Variants in JPH3 observed in about 807,000 individuals in gnomAD.
JPH3 encodes the protein junctophilin 3.
JPH3 carries 11 observed loss-of-function variants against 59.6 expected under a neutral mutation model. The ratio of observed to expected loss-of-function variants is 0.18; its 90% CI spans 0.12 to 0.31. The LOEUF (loss-of-function observed/expected upper bound fraction) is 0.31. Ranked by LOEUF, JPH3 falls within the 10% of genes least tolerant of loss-of-function variation. The pLI, the probability that JPH3 is intolerant of heterozygous loss-of-function variation, is 1.00. For synonymous variants in JPH3, 673 were observed against 483.6 expected, an observed-to-expected ratio of 1.39 and a Z score of -5.14; for missense variants, 1,202 against 1,105.7, an observed-to-expected ratio of 1.09 and a Z score of -1.24.
At chr16:87,640,701 C>G (rs1016109767) in intron 1 of JPH3, among the ~76,000 whole-genome samples, 1 of 152,160 alleles carries the variant, frequency 6.6e-6, no homozygotes, top group African/African-American at 2.4e-5. Flanking sequence ...CCAACAAACG[C>G]TTTTTAAATA....
chr16:87,658,378 T>G (rs2032579524), intron 2 of JPH3, among the ~76,000 whole-genome samples: 1 of 147,820 alleles, frequency 6.8e-6, no homozygotes, highest in Non-Finnish European at 1.5e-5. Flanking sequence ...CCCCCTCTCT[T>G]TTTCCCTTTC....
At chr16:87,605,291 G>A (rs898327764) in intron 1 of JPH3, among the ~76,000 whole-genome samples, 1 of 152,176 alleles carries the variant, frequency 6.6e-6, no homozygotes, top group African/African-American at 2.4e-5. Flanking sequence ...CTCTGCCCAC[G>A]CTCCTCAGAC....
At chr16:87,603,634 G>T (rs1292111659) in intron 1 of JPH3, 106 bp downstream of exon 1, 11 of 1,355,738 alleles carry the variant, frequency 8.1e-6, no homozygotes, top group Non-Finnish European at 1.1e-5. Context: ...CGGTTGGGCC[G>T]TGGGCACCAG....
At chr16:87,629,274 A>G (rs1293234811) in intron 1 of JPH3, among the ~76,000 whole-genome samples, 1 of 151,862 alleles carries the variant, frequency 6.6e-6, no homozygotes, top group African/African-American at 2.4e-5. Flanking sequence ...GCGGTGGCTC[A>G]TGAAGGTTTT....
At chr16:87,632,726 C>G (rs762143598) in intron 1 of JPH3, among the ~76,000 whole-genome samples, 1 of 152,150 alleles carries the variant, frequency 6.6e-6, no homozygotes, top group Non-Finnish European at 1.5e-5. Flanking sequence ...AACTTTGTCT[C>G]TATTAAAAAC....
intron 2 of JPH3, among the ~76,000 whole-genome samples, chr16:87,669,525 A>G (rs1003870635): frequency 8.5e-5 from 13 of 152,140 alleles, no homozygotes; most frequent in African/African-American, 3.1e-4. Context: ...GCTTCTGTGA[A>G]TTGGGGTGAC....
chr16:87,613,347 C>T (rs958543050), intron 1 of JPH3, among the ~76,000 whole-genome samples: 4 of 151,900 alleles, frequency 2.6e-5, no homozygotes, highest in African/African-American at 9.7e-5. Flanking sequence ...GAACCGCCCG[C>T]CTCGGCCTCC....
intron 1 of JPH3, among the ~76,000 whole-genome samples, chr16:87,628,049 G>T (rs945977522): frequency 3.9e-5 from 6 of 152,238 alleles, no homozygotes; most frequent in African/African-American, 1.4e-4. Flanking sequence ...ACCCTTATGT[G>T]CTGTGTCCTG....
At chr16:87,629,003 G>C (rs2031474933) in intron 1 of JPH3, among the ~76,000 whole-genome samples, 1 of 152,142 alleles carries the variant, frequency 6.6e-6, no homozygotes, top group African/African-American at 2.4e-5. Context: ...TCAGGGATGG[G>C]GGTGAACAGA....
chr16:87,615,277 A>G (rs1353444728), intron 1 of JPH3, among the ~76,000 whole-genome samples: 1 of 152,182 alleles, frequency 6.6e-6, no homozygotes, highest in East Asian at 1.9e-4. Context: ...GCAGATTCCT[A>G]TAGACCTGGT....
chr16:87,679,599 C>T (rs979626533), intron 2 of JPH3, among the ~76,000 whole-genome samples: 1 of 152,218 alleles, frequency 6.6e-6, no homozygotes, highest in African/African-American at 2.4e-5. Context: ...TGCCTTGTCC[C>T]CCGGACGCAT....
At chr16:87,646,785 A>G (rs973387468) in intron 2 of JPH3, among the ~76,000 whole-genome samples, 1 of 152,160 alleles carries the variant, frequency 6.6e-6, no homozygotes, top group Non-Finnish European at 1.5e-5. Context: ...AGATTGGTTC[A>G]TGAGTTCATT....
At position 87,659,374 on chromosome 16, in the gene JPH3, C is replaced by CAAAAAAAAAAAAAAAAAAAA. The variant is rs1354448370; in HGVS notation, c.1160+14351_1160+14352insAAAAAAAAAAAAAAAAAAAA. On this transcript the variant is annotated intron_variant, in intron 2 of 4. Transcript: ENST00000284262. ...CCTGGGTGACAGAGTAAGACTGTCT[C>CAAAAAAAAAAAAAAAAAAAA]AAAAAAAAAAAAGAAAAAAAAAAAG... Among the ~76,000 whole-genome samples the CAAAAAAAAAAAAAAAAAAAA allele has an allele frequency of 1.6e-3, 122 of 74,462 alleles. 5 individuals carry two copies. Among genetic ancestry groups the CAAAAAAAAAAAAAAAAAAAA allele is most frequent in the East Asian group, 2.2e-3 (6 of 2,766 alleles). 48.8% of individuals were successfully genotyped at this position (74,462 alleles called of 152,430 possible). A position where few individuals can be genotyped will look rare whatever the true frequency, so the allele number is the denominator to read the frequency against.
At chr16:87,654,681 A>C (rs2032434872) in intron 2 of JPH3, 1 of 152,208 alleles carries the variant, frequency 6.6e-6, no homozygotes, top group South Asian at 2.1e-4. Context: ...GACCATCAGC[A>C]CCTCAGCCTC....
chr16:87,621,504 G>A (rs934123), intron 1 of JPH3, among the ~76,000 whole-genome samples: 2,551 of 152,294 alleles, frequency 0.017, 76 homozygotes, highest in African/African-American at 0.057. Flanking sequence ...TCTCAGGAGC[G>A]TTGGCCAACC....
At chr16:87,675,909 G>A (rs1363744053) in intron 2 of JPH3, among the ~76,000 whole-genome samples, 1 of 152,156 alleles carries the variant, frequency 6.6e-6, no homozygotes, top group Non-Finnish European at 1.5e-5. Context: ...CTGGCCTTTC[G>A]CTCTGTAATT....
At chr16:87,690,650 G>A in intron 4 of JPH3, 124 bp downstream of exon 4, 1 of 1,089,350 alleles carries the variant, frequency 9.2e-7, no homozygotes, top group East Asian at 2.9e-5. Flanking sequence ...GGTGGAGTAG[G>A]GTGGGGGTAC....
intron 1 of JPH3, among the ~76,000 whole-genome samples, chr16:87,622,234 G>A (rs998465615): frequency 1.1e-4 from 16 of 152,174 alleles, no homozygotes; most frequent in Non-Finnish European, 2.9e-5. Flanking sequence ...GCGTCCCTGC[G>A]TCTCCAGGAC....
chr16:87,623,963 G>A (rs1567586420), intron 1 of JPH3, among the ~76,000 whole-genome samples: 1 of 152,224 alleles, frequency 6.6e-6, no homozygotes, highest in Non-Finnish European at 1.5e-5. Context: ...CATGGCCTTG[G>A]CGTTGCCCAG....
Sources: gnomAD v4.1 joint callset for allele counts (sites outside exome capture counted in the v4.1 genomes callset) on GRCh38, gnomAD v4.1.1 for gene constraint, MANE v1.5 for transcripts, NCBI Gene and HGNC (gene_info 2026-07-23, HGNC 2026-07-21) for gene names.